The following NRXN3 variants were observed in gnomAD, a reference collection of about 807,000 sequenced individuals.
The protein encoded by NRXN3 is neurexin 3.
NRXN3 carries 32 observed loss-of-function variants against 137.6 expected under a neutral mutation model. The observed-to-expected ratio is 0.23, with a 90% confidence interval of 0.18 to 0.31. NRXN3 has a LOEUF of 0.31. Ranked by LOEUF, NRXN3 falls within the 10% of genes least tolerant of loss-of-function variation. NRXN3 has a pLI of 1.00. For missense variants in NRXN3, 1,574 were observed against 2,062.5 expected (o/e 0.76, Z 4.59); for synonymous variants, 798 against 784.5 (o/e 1.02, Z -0.29).
intron 15 of NRXN3, among the ~76,000 whole-genome samples, chr14:79,387,794 G>A (rs1398189506): frequency 6.6e-6 from 1 of 152,036 alleles, no homozygotes; most frequent in Non-Finnish European, 1.5e-5. Flanking sequence ...ATGAGTTCAT[G>A]TCCTTTGTAG....
intron 10 of NRXN3, among the ~76,000 whole-genome samples, chr14:78,889,678 C>G (rs957265652): frequency 6.6e-6 from 1 of 151,994 alleles, no homozygotes; most frequent in African/African-American, 2.4e-5. Context: ...ATCATTAATA[C>G]AGAAGACAAA....
intron 20 of NRXN3, among the ~76,000 whole-genome samples, chr14:79,828,651 CTTTTT>C (rs199609069): frequency 1.8e-5 from 2 of 110,706 alleles, no homozygotes; most frequent in Non-Finnish European, 1.7e-5. Flanking sequence ...GTAAAATTGT[CTTTTT>C]TTTTTTTTTT....
chr14:78,763,906 T>C (rs777508614), intron 8 of NRXN3, among the ~76,000 whole-genome samples: 2 of 152,214 alleles, frequency 1.3e-5, no homozygotes, highest in Non-Finnish European at 2.9e-5. Flanking sequence ...TCTGGGAATC[T>C]GTTGCAACTT....
intron 10 of NRXN3, among the ~76,000 whole-genome samples, chr14:78,823,818 T>C (rs1208169345): frequency 1.3e-5 from 2 of 151,940 alleles, no homozygotes; most frequent in African/African-American, 4.8e-5. Flanking sequence ...GCTTCATGCC[T>C]CTTCATGGGT....
intron 4 of NRXN3, among the ~76,000 whole-genome samples, chr14:78,376,021 T>TAC (rs1054869113): frequency 6.8e-6 from 1 of 147,972 alleles, no homozygotes; most frequent in South Asian, 2.2e-4. Context: ...CACACACACA[T>TAC]ACACACACAC....
At chr14:78,991,601 C>T (rs981158403) in intron 15 of NRXN3, among the ~76,000 whole-genome samples, 3 of 152,120 alleles carry the variant, frequency 2.0e-5, no homozygotes, top group Non-Finnish European at 4.4e-5. Flanking sequence ...CTGAAACTTA[C>T]TCAACAGGGA....
At chr14:79,247,742 T>C (rs147156326) in intron 15 of NRXN3, among the ~76,000 whole-genome samples, 260 of 152,282 alleles carry the variant, frequency 1.7e-3, no homozygotes, top group African/African-American at 6.0e-3. Context: ...GTTTTGTTTA[T>C]ATGAGAAAGC....
At chr14:79,092,953 A>G (rs909943917) in intron 15 of NRXN3, among the ~76,000 whole-genome samples, 2 of 152,152 alleles carry the variant, frequency 1.3e-5, no homozygotes, top group African/African-American at 2.4e-5. Flanking sequence ...CAGATCCTAG[A>G]GTTGCGGGTT....
At chr14:79,593,401 C>A (rs1373107996) in intron 16 of NRXN3, among the ~76,000 whole-genome samples, 3 of 151,982 alleles carry the variant, frequency 2.0e-5, no homozygotes, top group Non-Finnish European at 4.4e-5. Flanking sequence ...GAGGCCGAGG[C>A]GTGCGGATCA....
At chr14:79,593,706 T>G (rs1329792688) in intron 16 of NRXN3, among the ~76,000 whole-genome samples, 1 of 150,478 alleles carries the variant, frequency 6.6e-6, no homozygotes, top group Admixed American at 6.6e-5. Context: ...ACAGCAGATA[T>G]AGTGTTGATT....
intron 15 of NRXN3, among the ~76,000 whole-genome samples, chr14:79,217,081 G>A (rs2068647393): frequency 6.6e-6 from 1 of 151,920 alleles, no homozygotes; most frequent in Non-Finnish European, 1.5e-5. Context: ...AGGTTGCAGT[G>A]AGCTGAGATC....
intron 15 of NRXN3, among the ~76,000 whole-genome samples, chr14:79,226,926 C>A (rs1409825053): frequency 6.7e-6 from 1 of 148,248 alleles, no homozygotes; most frequent in Non-Finnish European, 1.5e-5. Context: ...AGCAATTCTC[C>A]TTTCTCAAGT....
chr14:79,851,302 A>G (rs1488522248), intron 20 of NRXN3, among the ~76,000 whole-genome samples: 1 of 152,184 alleles, frequency 6.6e-6, no homozygotes, highest in Non-Finnish European at 1.5e-5. Context: ...TGTTAAAAGT[A>G]TAATTAGTCC....
At chr14:79,614,572 T>C (rs2098135978) in intron 16 of NRXN3, among the ~76,000 whole-genome samples, 2 of 152,170 alleles carry the variant, frequency 1.3e-5, no homozygotes, top group African/African-American at 4.8e-5. Context: ...TCCTTCTTAT[T>C]ACACTGATTT....
At chr14:78,232,321 G>A (rs1431221746) in intron 1 of NRXN3, among the ~76,000 whole-genome samples, 4 of 152,228 alleles carry the variant, frequency 2.6e-5, no homozygotes, top group African/African-American at 7.2e-5. Context: ...AATTAGCACA[G>A]TGGGGGCTTT....
intron 15 of NRXN3, among the ~76,000 whole-genome samples, chr14:79,427,012 G>A (rs930867264): frequency 6.6e-6 from 1 of 152,096 alleles, no homozygotes. Flanking sequence ...GAGTTTTGGG[G>A]TTGAATATTT....
At chr14:79,048,139 A>G (rs746278662) in intron 15 of NRXN3, among the ~76,000 whole-genome samples, 1 of 152,200 alleles carries the variant, frequency 6.6e-6, no homozygotes, top group Non-Finnish European at 1.5e-5. Context: ...CAAATACAGT[A>G]TATTTTTGTG....
chr14:78,528,252 G>A (rs928758758), intron 4 of NRXN3, among the ~76,000 whole-genome samples: 7 of 152,088 alleles, frequency 4.6e-5, no homozygotes, highest in South Asian at 2.1e-4. Flanking sequence ...CTGGCCCAGC[G>A]GCAAAGGAGG....
chr14:79,546,258 A>T (rs1313995464), intron 16 of NRXN3, among the ~76,000 whole-genome samples: 3 of 152,198 alleles, frequency 2.0e-5, no homozygotes, highest in Non-Finnish European at 4.4e-5. Flanking sequence ...TTTGGGCCAT[A>T]GATTCCTTTA....
Sources: allele counts gnomAD v4.1 joint callset (sites outside exome capture counted in the v4.1 genomes callset), GRCh38; gene constraint gnomAD v4.1.1; transcripts MANE v1.5; gene names NCBI Gene and HGNC (gene_info 2026-07-23, HGNC 2026-07-21).